SMARCA2: variants seen among roughly 807,000 people sequenced by gnomAD.
SMARCA2 encodes the protein SWI/SNF-related matrix-associated actin-dependent regulator of chromatin subfamily A member 2.
Under a neutral mutation model 199.8 loss-of-function variants are expected in SMARCA2, and 61 were observed. The ratio of observed to expected loss-of-function variants is 0.31; its 90% CI spans 0.25 to 0.38. SMARCA2 has a LOEUF of 0.38. Ranked by LOEUF, SMARCA2 falls within the 10% of genes least tolerant of loss-of-function variation. The pLI, the probability that SMARCA2 is intolerant of heterozygous loss-of-function variation, is 1.00. For synonymous variants in SMARCA2, 935 were observed against 732.0 expected (o/e 1.28, Z -4.48); for missense variants, 1,344 against 2,012.2 (o/e 0.67, Z 6.35).
At chr9:2,133,783 CATT>C (rs1289582589) in intron 27 of SMARCA2, among the ~76,000 whole-genome samples, 1 of 152,116 alleles carries the variant, frequency 6.6e-6, no homozygotes, top group Non-Finnish European at 1.5e-5. Context: ...GCCTCATCAT[CATT>C]ATGCCTCAGG....
Position 2,097,269 on chromosome 9 carries a change from G to C in SMARCA2, c.2992-116G>C, listed in dbSNP as rs542850267. 1.2e-5 allele frequency: 8 copies of C among 653,800 alleles called. No individual in the cohort carries two copies. In the Admixed American group the frequency reaches 1.7e-4, roughly 14 times the overall value. The allele number at this position is 653,800 out of a possible 1,614,324, so 40.5% of individuals were successfully genotyped here. ...AAGCTTTGAACCACAAGGTGTGTAG[G>C]TGACTGAAAAAACCTATGGTCCTTT... On this transcript the variant is annotated intron_variant, in intron 20 of 33. Coordinates refer to ENST00000349721, the MANE Select transcript of SMARCA2 (RefSeq NM_003070.5).
chr9:2,083,270 T>A (rs899474382), intron 15 of SMARCA2, 77 bp from the exon 16 acceptor site: 12 of 930,958 alleles, frequency 1.3e-5, no homozygotes, highest in African/African-American at 3.3e-5. Flanking sequence ...GGCCTGAACA[T>A]GAATAAGAAC....
At position 2,039,233 on chromosome 9, in the gene SMARCA2, CTT is replaced by C. The variant is rs763964186; in HGVS notation, c.356-221_356-220del. 5.1e-5 allele frequency among the ~76,000 whole-genome samples: 7 copies of C among 137,280 alleles called. No homozygotes were observed. The highest frequency in any genetic ancestry group is 2.1e-4 in the East Asian group (1 of 4,740). The allele number at this position is 137,280 out of a possible 152,430, so 90.1% of individuals were successfully genotyped here. On this transcript the variant is annotated intron_variant, in intron 3 of 33. Coordinates refer to ENST00000349721, the MANE Select transcript of SMARCA2 (RefSeq NM_003070.5). The surrounding 1 kb of genome is among the most constrained non-coding windows in gnomAD (Gnocchi z 4.8). ...AATACATTTAAATTAACTTTACCTGCTTTTTTTTTTTTTAACACTTTAAAGTG... is the reference window on the plus strand; with the variant it reads ...AATACATTTAAATTAACTTTACCTGCTTTTTTTTTTTAACACTTTAAAGTG...
intron 3 of SMARCA2, among the ~76,000 whole-genome samples, chr9:2,038,211 C>G (rs933041979): frequency 3.3e-5 from 5 of 152,138 alleles, no homozygotes; most frequent in African/African-American, 1.2e-4. Flanking sequence ...TTAAAGCTCC[C>G]AAAAGTTAAT....
At chr9:2,028,212 A>G (rs964525862) in intron 1 of SMARCA2, among the ~76,000 whole-genome samples, 1 of 152,214 alleles carries the variant, frequency 6.6e-6, no homozygotes, top group East Asian at 1.9e-4. Flanking sequence ...CTCTGCTTCA[A>G]TTAATTAGCT....
At chr9:2,181,109 T>C (rs1222719690) in intron 29 of SMARCA2, 4 of 154,020 alleles carry the variant, frequency 2.6e-5, no homozygotes, top group East Asian at 1.9e-4. Context: ...TTCTAACATA[T>C]TATTTTGAGT....
rs1253774575 is a variant in SMARCA2, at chr9:2,086,879, C to G, written c.2577C>G (p.His859Gln). 6.2e-7 allele frequency: 1 copy of G among 1,614,004 alleles called. No individual in the cohort carries two copies. Among genetic ancestry groups the G allele is most frequent in the African/African-American group, 1.3e-5 (1 of 74,932 alleles). The change falls in exon 18 of 34, where the codon CAC (histidine) becomes CAG (glutamine). Residue 859 changes from histidine to glutamine, a missense_variant. By Grantham distance (24) the His-to-Gln change is conservative. Coordinates refer to ENST00000349721, the MANE Select transcript of SMARCA2 (RefSeq NM_003070.5). This position sits in a 1 kb window ranked among gnomAD's most constrained non-coding sequence, Gnocchi z 4.3. ...IVDEGHRMKNHHCKLTQVLNT... is the reference protein window; with the variant it reads ...IVDEGHRMKNQHCKLTQVLNT... ...ACGAAGGCCACCGAATGAAGAATCACCACTGCAAGCTGACTCAGGTCTTGA... is the reference window on the plus strand; with the variant it reads ...ACGAAGGCCACCGAATGAAGAATCAGCACTGCAAGCTGACTCAGGTCTTGA...
At position 2,048,111 on chromosome 9, in the gene SMARCA2, A is replaced by C. The variant is rs552426212; in HGVS notation, c.1046+627A>C. Among the ~76,000 whole-genome samples the C allele has an allele frequency of 1.8e-4, 27 of 152,304 alleles. No homozygotes were observed. In the South Asian group the frequency reaches 4.4e-3, roughly 25 times the overall value. On this transcript the variant is annotated intron_variant, in intron 5 of 33. Transcript: ENST00000349721. Reference sequence around the variant, plus strand: ...AACTCACCTCTACCCTTGCAGTGTGAAAACAGCTGCAGACAATAATGGGCT... The same window carrying C: ...AACTCACCTCTACCCTTGCAGTGTGCAAACAGCTGCAGACAATAATGGGCT...
Position 2,077,511 on chromosome 9 carries a change from G to C in SMARCA2, c.2037-118G>C, listed in dbSNP as rs550010698. The stretch of plus-strand genomic sequence containing the variant: ...ATTAACTGCATGGCAAGTCGTGGTT[G>C]ATAAATAAAACACACTTATTGCAGC... On this transcript the variant is annotated intron_variant, in intron 13 of 33. Coordinates refer to ENST00000349721, the MANE Select transcript of SMARCA2 (RefSeq NM_003070.5). 2.8e-5 allele frequency: 27 copies of C among 965,878 alleles called. No individual in the cohort carries two copies. In the East Asian group the frequency reaches 6.1e-4, roughly 22 times the overall value. 59.8% of individuals were successfully genotyped at this position (965,878 alleles called of 1,614,324 possible).
intron 9 of SMARCA2, among the ~76,000 whole-genome samples, chr9:2,069,427 C>T (rs368378718): frequency 5.4e-4 from 82 of 151,568 alleles, no homozygotes; most frequent in African/African-American, 1.7e-3. Flanking sequence ...GGCGTGGTGG[C>T]GGTCGCCTGT....
At position 2,039,827 on chromosome 9, in the gene SMARCA2, G is replaced by A. The variant is rs10964525; in HGVS notation, c.717G>A (p.Pro239=). The stretch of plus-strand genomic sequence containing the variant: ...AGCAGCAGCAGCAGCAACAGCAGCC[G>A]CAGCAGCAGCCGCCGCAACCACAGA... ...QQQQQQQQQQ[P]QQQPPQPQTQ... is the part of the protein sequence containing the mutation. The change falls in exon 4 of 34, where the codon CCG becomes CCA. Residue 239 remains proline, a synonymous_variant. Transcript: ENST00000349721. The surrounding 1 kb of genome is among the most constrained non-coding windows in gnomAD (Gnocchi z 4.8). 0.035 allele frequency: 56,111 copies of A among 1,608,972 alleles called. 1,146 individuals carry two copies. Among genetic ancestry groups the A allele is most frequent in the Non-Finnish European group, 0.041 (48,248 of 1,177,894 alleles).
chr9:2,190,598 C>G (rs1827806630), intron 32 of SMARCA2, among the ~76,000 whole-genome samples: 1 of 151,422 alleles, frequency 6.6e-6, no homozygotes, highest in African/African-American at 2.4e-5. Context: ...TCTTTATATT[C>G]TATAGAGAGA....
chr9:2,174,995 G>A (rs1393810213), intron 29 of SMARCA2, among the ~76,000 whole-genome samples: 1 of 148,800 alleles, frequency 6.7e-6, no homozygotes, highest in South Asian at 2.1e-4. Context: ...AGGATATTCA[G>A]TGGAAGGGAA....
intron 8 of SMARCA2, 31 bp downstream of exon 8, chr9:2,058,495 C>T (rs1439567943): frequency 6.3e-7 from 1 of 1,593,328 alleles, no homozygotes; most frequent in Non-Finnish European, 8.6e-7. Flanking sequence ...GCCCAGGAAA[C>T]TACTCAACCC....
intron 29 of SMARCA2, among the ~76,000 whole-genome samples, chr9:2,180,728 T>G (rs972916535): frequency 6.6e-6 from 1 of 152,232 alleles, no homozygotes; most frequent in Non-Finnish European, 1.5e-5. Flanking sequence ...CCACATCTGC[T>G]TCCAACAGTA....
chr9:2,134,673 T>C (rs758441079), intron 27 of SMARCA2, among the ~76,000 whole-genome samples: 7 of 152,218 alleles, frequency 4.6e-5, no homozygotes, highest in Non-Finnish European at 1.0e-4. Flanking sequence ...TATGGACTGA[T>C]GTTTATGTCC....
intron 27 of SMARCA2, among the ~76,000 whole-genome samples, chr9:2,138,573 T>G (rs1252120923): frequency 3.3e-5 from 5 of 152,222 alleles, no homozygotes. Flanking sequence ...CTTCCCATAG[T>G]CCGTTCTTCT....
intron 27 of SMARCA2, among the ~76,000 whole-genome samples, chr9:2,153,579 T>C (rs889066326): frequency 6.6e-6 from 1 of 152,218 alleles, no homozygotes; most frequent in Non-Finnish European, 1.5e-5. Flanking sequence ...AGAGTTTTTT[T>C]AATAGGGAAA....
intron 22 of SMARCA2, 148 bp downstream of exon 22, chr9:2,101,764 G>A (rs979146836): frequency 1.9e-5 from 9 of 477,704 alleles, no homozygotes; most frequent in Non-Finnish European, 3.0e-5. Context: ...AACGGTATCA[G>A]CATTCTCTTT....
Sources: allele counts gnomAD v4.1 joint callset (sites outside exome capture counted in the v4.1 genomes callset), GRCh38; gene constraint gnomAD v4.1.1; non-coding constraint Gnocchi (gnomAD v3.1); transcripts MANE v1.5; gene names NCBI Gene and HGNC (gene_info 2026-07-23, HGNC 2026-07-21).